RTTN: variants seen among roughly 807,000 people sequenced by gnomAD.
RTTN encodes rotatin.
In RTTN, 182 loss-of-function variants were observed where a neutral mutation model predicts 269.2. The ratio of observed to expected loss-of-function variants is 0.68; its 90% confidence interval spans 0.60 to 0.76. The LOEUF (loss-of-function observed/expected upper bound fraction) is 0.76. Among genes scored for constraint, RTTN ranks in the 30% least tolerant of loss-of-function variants. RTTN has a pLI of 0.00. For missense variants in RTTN, 2,545 were observed against 2,608.6 expected (o/e 0.98, Z 0.53); for synonymous variants, 1,006 against 963.5 (o/e 1.04, Z -0.82).
intron 27 of RTTN, among the ~76,000 whole-genome samples, chr18:70,113,728 A>C (rs879635023): frequency 6.6e-6 from 1 of 152,202 alleles, no homozygotes; most frequent in Admixed American, 6.5e-5. Context: ...AGAAGTAGTG[A>C]TATTTGCTAC....
chr18:70,004,635 T>G (rs1205192391), intron 48 of RTTN, among the ~76,000 whole-genome samples: 4 of 151,656 alleles, frequency 2.6e-5, no homozygotes, highest in Non-Finnish European at 5.9e-5. Context: ...AAAATCAGAC[T>G]ATAAAAACAC....
At chr18:70,182,470 G>T (rs1043526404) in intron 10 of RTTN, among the ~76,000 whole-genome samples, 3 of 151,992 alleles carry the variant, frequency 2.0e-5, no homozygotes, top group African/African-American at 4.8e-5. Context: ...TGATTCTACT[G>T]CCCTGACAAG....
Position 70,024,734 on chromosome 18 carries a change from T to G in RTTN, c.5938A>C (p.Asn1980His), listed in dbSNP as rs1426524958. ...TGGATCCTATTACCATTTGGAAAAT[T>G]TGCAGTATAGACACAAAGGAGCTGC... ...SLQLLCVYTA[N>H]FPNGCSSLCW... Residue 1980 changes from asparagine (N) to histidine (H), a missense_variant, in exon 44 of 49, where the codon AAT (asparagine) becomes CAT (histidine). Coordinates refer to ENST00000640769, the MANE Select transcript of RTTN (RefSeq NM_173630.4). 1 of 1,613,484 alleles carries G rather than the reference T, an allele frequency of 6.2e-7. No homozygotes were observed. The highest frequency in any genetic ancestry group is 2.2e-5 in the East Asian group (1 of 44,872).
chr18:70,154,254 T>C (rs963982749), intron 14 of RTTN, among the ~76,000 whole-genome samples: 2 of 152,080 alleles, frequency 1.3e-5, no homozygotes, highest in African/African-American at 4.8e-5. Context: ...AAAAATTATC[T>C]GGATGTTAAT....
At chr18:70,034,337 A>C (rs1305451158) in intron 40 of RTTN, among the ~76,000 whole-genome samples, 1 of 152,216 alleles carries the variant, frequency 6.6e-6, no homozygotes, top group Non-Finnish European at 1.5e-5. Context: ...GCAGCACATC[A>C]AAAAGCTAAT....
intron 10 of RTTN, among the ~76,000 whole-genome samples, chr18:70,181,451 G>A (rs1438531604): frequency 1.3e-5 from 2 of 152,020 alleles, no homozygotes; most frequent in Admixed American, 1.3e-4. Context: ...ACATACTTTA[G>A]GTCAGCATAA....
intron 35 of RTTN, among the ~76,000 whole-genome samples, chr18:70,060,450 A>G (rs1250346911): frequency 6.6e-6 from 1 of 152,108 alleles, no homozygotes; most frequent in Non-Finnish European, 1.5e-5. Flanking sequence ...AAATCTTACT[A>G]TTTTTATTAT....
Position 70,204,089 on chromosome 18 carries a change from TTTGA to T in RTTN, c.390_393del (p.Asn130LysfsTer11), listed in dbSNP as rs1215498084. Reference sequence around the variant, plus strand: ...TTAACAGATTCCAAAGAGTTACCAGTTTGATTGGTTTGGTATGAGGCAGAAGATA... The same window carrying T: ...TTAACAGATTCCAAAGAGTTACCAGTTTGGTTTGGTATGAGGCAGAAGATA... On this transcript the variant is annotated frameshift_variant, in exon 3 of 49. Coordinates refer to ENST00000640769, the MANE Select transcript of RTTN (RefSeq NM_173630.4). LOFTEE classifies it high-confidence loss of function. The T allele has an allele frequency of 6.3e-7, 1 of 1,598,874 alleles. No individual in the cohort carries two copies. The highest frequency in any genetic ancestry group is 1.7e-5 in the Admixed American group (1 of 58,196).
chr18:70,004,046 AGAGAGGTAG>A lies in RTTN; in HGVS notation c.*96_*104del. 2.6e-6 allele frequency: 2 copies of A among 774,078 alleles called. No individual in the cohort carries two copies. Among genetic ancestry groups the A allele is most frequent in the Non-Finnish European group, 4.5e-6 (2 of 447,168 alleles). 48.0% of individuals were successfully genotyped at this position (774,078 alleles called of 1,614,324 possible). ...GGAAAGAAGGGGATCAACACTTTGTAGAGAGGTAGCACGTCTTCAGGTAACAGCTGCTAC... is the reference window on the plus strand; with the variant it reads ...GGAAAGAAGGGGATCAACACTTTGTACACGTCTTCAGGTAACAGCTGCTAC... On this transcript the variant is annotated 3_prime_UTR_variant, in exon 49 of 49. Coordinates refer to ENST00000640769, the MANE Select transcript of RTTN (RefSeq NM_173630.4).
At chr18:70,048,237 C>A (rs776375536) in intron 39 of RTTN, 49 bp from the exon 40 acceptor site, 3 of 1,512,084 alleles carry the variant, frequency 2.0e-6, no homozygotes, top group Admixed American at 1.8e-5. Context: ...CTTCAAAATT[C>A]AACAAAAAGG....
intron 37 of RTTN, among the ~76,000 whole-genome samples, chr18:70,056,300 T>C (rs2057814726): frequency 6.6e-6 from 1 of 152,170 alleles, no homozygotes; most frequent in South Asian, 2.1e-4. Context: ...TGGTTAAGAA[T>C]GTGGGCCCTG....
intron 14 of RTTN, among the ~76,000 whole-genome samples, chr18:70,154,252 T>C (rs1016441518): frequency 6.6e-6 from 1 of 152,100 alleles, no homozygotes; most frequent in African/African-American, 2.4e-5. Context: ...GGAAAAATTA[T>C]CTGGATGTTA....
At chr18:70,113,786 G>A (rs935117390) in intron 27 of RTTN, among the ~76,000 whole-genome samples, 6 of 152,122 alleles carry the variant, frequency 3.9e-5, no homozygotes, top group Admixed American at 2.6e-4. Context: ...GAAGCTAGAC[G>A]CTAAAGGTCA....
chr18:70,009,427 C>T (rs1006922781), intron 46 of RTTN, among the ~76,000 whole-genome samples: 8 of 152,040 alleles, frequency 5.3e-5, no homozygotes, highest in Non-Finnish European at 8.8e-5. Context: ...AGAGCCACTG[C>T]GTATGGCCCA....
chr18:70,204,325 A>G, intron 2 of RTTN, 62 bp from the exon 3 acceptor site: 3 of 1,433,090 alleles, frequency 2.1e-6, no homozygotes, highest in Non-Finnish European at 2.9e-6. Context: ...ACTTACAGCA[A>G]TCAAAACATA....
At chr18:70,039,020 A>T (rs957145076) in intron 40 of RTTN, among the ~76,000 whole-genome samples, 4 of 152,236 alleles carry the variant, frequency 2.6e-5, no homozygotes, top group African/African-American at 9.6e-5. Context: ...GCTATTTGAA[A>T]ACACAGAGTC....
intron 28 of RTTN, among the ~76,000 whole-genome samples, chr18:70,095,595 TTTTC>T (rs1405928250): frequency 2.0e-5 from 3 of 152,202 alleles, no homozygotes; most frequent in South Asian, 2.1e-4. Context: ...TTGAAAATTA[TTTTC>T]TTTATTAATG....
chr18:70,190,447 C>CTA (rs1277920861), intron 9 of RTTN, 91 bp downstream of exon 9: 1 of 818,214 alleles, frequency 1.2e-6, no homozygotes. Flanking sequence ...ATTCCAAAGG[C>CTA]CCTAACATAG....
chr18:70,077,144 T>C (rs930460056), intron 32 of RTTN, among the ~76,000 whole-genome samples: 1 of 151,908 alleles, frequency 6.6e-6, no homozygotes, highest in Non-Finnish European at 1.5e-5. Flanking sequence ...CAAAAGTGAT[T>C]AATCAAAGTT....
Sources: gnomAD v4.1 joint callset for allele counts (sites outside exome capture counted in the v4.1 genomes callset) on GRCh38, gnomAD v4.1.1 for gene constraint, MANE v1.5 for transcripts, NCBI Gene and HGNC (gene_info 2026-07-23, HGNC 2026-07-21) for gene names.